DMTF1: variants seen among roughly 807,000 people sequenced by gnomAD.
DMTF1 encodes cyclin D binding myb like transcription factor 1.
Under a neutral mutation model 91.1 loss-of-function variants are expected in DMTF1, and 39 were observed. The ratio of observed to expected loss-of-function variants is 0.43; its 90% CI spans 0.33 to 0.56. The LOEUF is 0.56. Among genes scored for constraint, DMTF1 ranks in the 20% least tolerant of loss-of-function variants. The pLI is 0.05. For missense variants in DMTF1, 750 were observed against 914.5 expected, an observed-to-expected ratio of 0.82 and a Z score of 2.32; for synonymous variants, 338 against 309.5, an observed-to-expected ratio of 1.09 and a Z score of -0.97.
chr7:87,189,725 A>G (rs1799306967), intron 13 of DMTF1, among the ~76,000 whole-genome samples: 1 of 152,110 alleles, frequency 6.6e-6, no homozygotes, highest in Non-Finnish European at 1.5e-5. Context: ...CAGATAGTAA[A>G]TATTTTAGGC....
chr7:87,180,185 A>G (rs1441054638), intron 8 of DMTF1, among the ~76,000 whole-genome samples: 1 of 152,194 alleles, frequency 6.6e-6, no homozygotes, highest in Non-Finnish European at 1.5e-5. Context: ...AAATGCAATG[A>G]TTATATACTG....
In DMTF1 at chr7:87,171,097, A is replaced by C. The variant is rs200898825; in HGVS notation, c.327+8A>C. The C allele has an allele frequency of 1.2e-5, 19 of 1,566,048 alleles. No homozygotes were observed. The highest frequency in any genetic ancestry group is 3.4e-4 in the Middle Eastern group (2 of 5,962). ...ACTGTGACACAGATACAGGTATAGT[A>C]AATCTTTTAACTGGCCTCAGGAGGA... On this transcript the variant is annotated splice_region_variant and intron_variant, in intron 5 of 17. Transcript: ENST00000331242.
chr7:87,195,364 T>C lies in DMTF1; in HGVS notation c.*224T>C. 1 of 399,500 alleles carries C rather than the reference T, an allele frequency of 2.5e-6. No homozygotes were observed. Among genetic ancestry groups the C allele is most frequent in the Non-Finnish European group, 4.5e-6 (1 of 222,068 alleles). 24.7% of individuals were successfully genotyped at this position (399,500 alleles called of 1,614,324 possible). A position where few individuals can be genotyped will look rare whatever the true frequency, so the allele number is the denominator to read the frequency against. On this transcript the variant is annotated 3_prime_UTR_variant, in exon 18 of 18. Coordinates refer to ENST00000331242, the MANE Select transcript of DMTF1 (RefSeq NM_001142327.2). Reference sequence around the variant, plus strand: ...TGTAGTTGAGTGGAGGCTGGGAGTTTTAAGCATAAATCCCTGTTTAGTGTT... The same window carrying C: ...TGTAGTTGAGTGGAGGCTGGGAGTTCTAAGCATAAATCCCTGTTTAGTGTT...
chr7:87,188,109 A>C lies in DMTF1; in HGVS notation c.1219A>C (p.Lys407Gln). Reference sequence around the variant, plus strand: ...CCCTTCAGTCTTAATAAAAGGTCTTAAACAGTTACATGAGAACCAAAAAAA... The same window carrying C: ...CCCTTCAGTCTTAATAAAAGGTCTTCAACAGTTACATGAGAACCAAAAAAA... ...VSFPVLIKGL[K>Q]QLHENQKNNP... Residue 407 changes from lysine to glutamine, a missense_variant, in exon 13 of 18, where the codon AAA becomes CAA. Coordinates refer to ENST00000331242, the MANE Select transcript of DMTF1 (RefSeq NM_001142327.2). 6.2e-7 allele frequency: 1 copy of C among 1,613,752 alleles called. No homozygotes were observed. The highest frequency in any genetic ancestry group is 8.5e-7 in the Non-Finnish European group (1 of 1,179,778).
intron 1 of DMTF1, among the ~76,000 whole-genome samples, chr7:87,159,779 C>T (rs936303542): frequency 6.6e-6 from 1 of 152,176 alleles, no homozygotes; most frequent in Non-Finnish European, 1.5e-5. Flanking sequence ...ATACACAGAC[C>T]TGTACAGCGT....
At chr7:87,153,446 T>G (rs929334558) in intron 1 of DMTF1, among the ~76,000 whole-genome samples, 1 of 152,184 alleles carries the variant, frequency 6.6e-6, no homozygotes, top group Non-Finnish European at 1.5e-5. Context: ...AGAGCAGATT[T>G]GAGAGTAGAA....
intron 13 of DMTF1, among the ~76,000 whole-genome samples, chr7:87,188,604 A>G (rs1371647860): frequency 6.6e-6 from 1 of 152,194 alleles, no homozygotes; most frequent in Non-Finnish European, 1.5e-5. Flanking sequence ...AATGATAGAA[A>G]ACTACCTAAA....
At chr7:87,178,254 G>A (rs912340642) in intron 7 of DMTF1, among the ~76,000 whole-genome samples, 3 of 152,032 alleles carry the variant, frequency 2.0e-5, no homozygotes, top group East Asian at 3.8e-4. Flanking sequence ...TATGTAAACT[G>A]TGTAGAAACG....
chr7:87,192,867 G>C, intron 14 of DMTF1: 2 of 200,764 alleles, frequency 1.0e-5, no homozygotes, highest in Admixed American at 5.4e-5. Flanking sequence ...TAAACTGGGG[G>C]CCTGCCAGTT....
At chr7:87,159,752 T>C (rs965641282) in intron 1 of DMTF1, among the ~76,000 whole-genome samples, 4 of 152,366 alleles carry the variant, frequency 2.6e-5, no homozygotes, top group Non-Finnish European at 4.4e-5. Flanking sequence ...GGTGATTGCA[T>C]GTGAGCATCA....
intron 1 of DMTF1, among the ~76,000 whole-genome samples, chr7:87,162,246 T>A (rs1396069025): frequency 1.3e-5 from 2 of 152,128 alleles, no homozygotes; most frequent in Non-Finnish European, 2.9e-5. Flanking sequence ...GCTAATTTTT[T>A]ATTTTTTTTC....
chr7:87,161,805 T>G (rs1792493252), intron 1 of DMTF1, among the ~76,000 whole-genome samples: 1 of 152,216 alleles, frequency 6.6e-6, no homozygotes, highest in South Asian at 2.1e-4. Flanking sequence ...CTTTTTGCTT[T>G]GAAGTTTTTA....
chr7:87,173,762 G>A lies in DMTF1; in HGVS notation c.442+113G>A. 6.4e-6 allele frequency: 3 copies of A among 472,248 alleles called. No individual in the cohort carries two copies. The South Asian group carries it at 1.6e-4, about 26-fold the overall frequency. The allele number at this position is 472,248 out of a possible 1,614,324, so 29.3% of individuals were successfully genotyped here. A position where few individuals can be genotyped will look rare whatever the true frequency, so the allele number is the denominator to read the frequency against. Reference sequence around the variant, plus strand: ...TCATCACTGGGATTGAGCAGTTAGAGTAATTGAGCTTTTCTAACTGAATTA... The same window carrying A: ...TCATCACTGGGATTGAGCAGTTAGAATAATTGAGCTTTTCTAACTGAATTA... On this transcript the variant is annotated intron_variant, in intron 6 of 17. Coordinates refer to ENST00000331242, the MANE Select transcript of DMTF1 (RefSeq NM_001142327.2).
intron 3 of DMTF1, among the ~76,000 whole-genome samples, chr7:87,165,277 A>G (rs1793565123): frequency 1.2e-5 from 1 of 81,706 alleles, no homozygotes; most frequent in African/African-American, 3.4e-5. Flanking sequence ...TAACTATAAT[A>G]TATACTTCTT....
chr7:87,180,658 GT>G (rs34499078), intron 8 of DMTF1, among the ~76,000 whole-genome samples: 3,627 of 152,110 alleles, frequency 0.024, 65 homozygotes, highest in Non-Finnish European at 0.04. Context: ...TCACCCATAA[GT>G]TTTTTTGGAG....
At chr7:87,163,395 A>T (rs776975459) in intron 1 of DMTF1, 100 bp from the exon 2 acceptor site, 6 of 152,250 alleles carry the variant, frequency 3.9e-5, no homozygotes, top group Non-Finnish European at 8.8e-5. Flanking sequence ...TCCAGATGAG[A>T]TATCACAGAG....
Position 87,196,185 on chromosome 7 carries a change from A to G in DMTF1, c.*1045A>G, listed in dbSNP as rs886656457. 6.5e-6 allele frequency: 1 copy of G among 153,738 alleles called. No homozygotes were observed. Among genetic ancestry groups the G allele is most frequent in the African/African-American group, 2.4e-5 (1 of 41,450 alleles). The allele number at this position is 153,738 out of a possible 1,614,324, so 9.5% of individuals were successfully genotyped here. The stretch of plus-strand genomic sequence containing the variant: ...CCTTGTATAAATTATTTTATTTATT[A>G]TTGTAATTAGATCTTCACAAAGTTG... On this transcript the variant is annotated 3_prime_UTR_variant, in exon 18 of 18. Transcript: ENST00000331242.
At chr7:87,168,835 G>GT (rs1460804243) in intron 4 of DMTF1, among the ~76,000 whole-genome samples, 1 of 152,120 alleles carries the variant, frequency 6.6e-6, no homozygotes, top group East Asian at 1.9e-4. Flanking sequence ...TGAGATGACT[G>GT]TTTCATTTGT....
chr7:87,164,114 T>A (rs1216469323), intron 2 of DMTF1: 3 of 151,606 alleles, frequency 2.0e-5, no homozygotes, highest in Non-Finnish European at 4.4e-5. Flanking sequence ...TCAGGGTTTG[T>A]GTCCTCTGTA....
Sources: allele counts gnomAD v4.1 joint callset (sites outside exome capture counted in the v4.1 genomes callset), GRCh38; gene constraint gnomAD v4.1.1; transcripts MANE v1.5; gene names NCBI Gene and HGNC (gene_info 2026-07-23, HGNC 2026-07-21).